The following HECTD4 variants were observed in gnomAD, a reference collection of about 807,000 sequenced individuals.
HECTD4 encodes HECT domain E3 ubiquitin protein ligase 4, also known as probable E3 ubiquitin-protein ligase HECTD4.
Under a neutral mutation model 471.5 loss-of-function variants are expected in HECTD4, and 114 were observed. The observed-to-expected ratio is 0.24, with a 90% CI of 0.21 to 0.28. The LOEUF is 0.28. Among genes scored for constraint, HECTD4 ranks in the 10% least tolerant of loss-of-function variants. The pLI, the probability that HECTD4 is intolerant of heterozygous loss-of-function variation, is 1.00. For missense variants in HECTD4, 3,866 were observed against 5,651.5 expected (o/e 0.68, Z 10.13); for synonymous variants, 2,012 against 2,256.0 (o/e 0.89, Z 3.07).
At chr12:112,244,073 C>T (rs1470760810) in intron 29 of HECTD4, 64 bp from the exon 30 acceptor site, 8 of 1,520,166 alleles carry the variant, frequency 5.3e-6, no homozygotes, top group Non-Finnish European at 2.7e-6. Context: ...AAATGCAACA[C>T]AGAACTACCC....
intron 9 of HECTD4, among the ~76,000 whole-genome samples, chr12:112,277,103 A>C (rs988245594): frequency 1.3e-5 from 2 of 152,222 alleles, no homozygotes; most frequent in African/African-American, 4.8e-5. Context: ...AAGAGTATGA[A>C]AAACATCCAC....
chr12:112,359,493 C>T (rs2036411246), intron 1 of HECTD4, among the ~76,000 whole-genome samples: 1 of 152,166 alleles, frequency 6.6e-6, no homozygotes, highest in African/African-American at 2.4e-5. Flanking sequence ...GATCTCAGCT[C>T]ATTGCAACCT....
At chr12:112,275,103 G>A in intron 9 of HECTD4, 143 bp from the exon 10 acceptor site, 1 of 546,376 alleles carries the variant, frequency 1.8e-6, no homozygotes, top group Non-Finnish European at 3.2e-6. Flanking sequence ...TAAAGAGATG[G>A]AGAATACATG....
At chr12:112,295,479 C>A (rs2135665319) in intron 7 of HECTD4, among the ~76,000 whole-genome samples, 1 of 151,044 alleles carries the variant, frequency 6.6e-6, no homozygotes, top group Admixed American at 6.6e-5. Context: ...GATCCTTCTA[C>A]CTCAGCAACT....
At chr12:112,309,703 A>C (rs936726383) in intron 4 of HECTD4, 34 bp from the exon 5 acceptor site, 2 of 993,312 alleles carry the variant, frequency 2.0e-6, no homozygotes, top group African/African-American at 1.6e-5. Flanking sequence ...AATTATATAT[A>C]TGTTTTTTCT....
chr12:112,300,694 C>T (rs2035144732), intron 7 of HECTD4, among the ~76,000 whole-genome samples: 1 of 152,248 alleles, frequency 6.6e-6, no homozygotes, highest in South Asian at 2.1e-4. Context: ...ACCTCCAGGG[C>T]TCAAGCAATC....
At chr12:112,332,354 T>A (rs745514868) in intron 1 of HECTD4, among the ~76,000 whole-genome samples, 2 of 151,798 alleles carry the variant, frequency 1.3e-5, no homozygotes, top group Non-Finnish European at 2.9e-5. Context: ...CCAACCAACA[T>A]GGTGAAACCC....
chr12:112,367,849 C>T (rs1017200882), intron 1 of HECTD4, among the ~76,000 whole-genome samples: 9 of 87,808 alleles, frequency 1.0e-4, no homozygotes, highest in African/African-American at 4.1e-4. Flanking sequence ...AAAAAAAAAA[C>T]GCTAACACGT....
At position 112,302,179 on chromosome 12, in the gene HECTD4, G is replaced by A. The variant is rs2035179133; in HGVS notation, c.1335+3885C>T. 1.0e-5 allele frequency: 12 copies of A among 1,144,090 alleles called. 1 individual carries two copies. Among genetic ancestry groups the A allele is most frequent in the South Asian group, 7.8e-5 (6 of 77,360 alleles). 70.9% of individuals were successfully genotyped at this position (1,144,090 alleles called of 1,614,324 possible). ...GGGCAGGCAAGAAGACAACCAGCTC[G>A]ATGGAATCCACATCGTGTGCAATCA... On this transcript the variant is annotated intron_variant, in intron 7 of 75. Coordinates refer to ENST00000682272, the MANE Select transcript of HECTD4 (RefSeq NM_001388303.1).
intron 1 of HECTD4, among the ~76,000 whole-genome samples, chr12:112,329,370 GT>G (rs72342162): frequency 0.41 from 53,742 of 130,920 alleles, 11,888 homozygotes; most frequent in East Asian, 0.88. Flanking sequence ...TGGGTTTTTT[GT>G]TTTTTTTTTT....
rs985630311 is a variant in HECTD4 at position 112,235,641 on chromosome 12, T to A, written c.5588A>T (p.Glu1863Val). The A allele has an allele frequency of 1.2e-6, 2 of 1,614,018 alleles. No homozygotes were observed. The highest frequency in any genetic ancestry group is 3.3e-5 in the Admixed American group (2 of 60,024). ...CRAALPLMSVEDCGNVELPPW... is the reference protein window; with the variant it reads ...CRAALPLMSVVDCGNVELPPW... ...TGGGAGCTCCACGTTTCCACAGTCT[T>A]CTACGCTCATCAGGGGCAGCGCCGC... Residue 1863 changes from glutamate to valine, a missense_variant, in exon 36 of 76, where the codon GAA becomes GTA. Coordinates refer to ENST00000682272, the MANE Select transcript of HECTD4 (RefSeq NM_001388303.1). This position sits in a 1 kb window ranked among gnomAD's most constrained non-coding sequence, Gnocchi z 5.0.
chr12:112,366,213 A>G (rs2036554899), intron 1 of HECTD4, among the ~76,000 whole-genome samples: 1 of 152,206 alleles, frequency 6.6e-6, no homozygotes, highest in Non-Finnish European at 1.5e-5. Context: ...GAACAAAAAA[A>G]AATTGTTCCA....
At chr12:112,315,010 AT>A in intron 2 of HECTD4, among the ~76,000 whole-genome samples, 1 of 152,232 alleles carries the variant, frequency 6.6e-6, no homozygotes, top group Non-Finnish European at 1.5e-5. Flanking sequence ...AAAAGAATAT[AT>A]TCAAATAAAT....
intron 3 of HECTD4, among the ~76,000 whole-genome samples, chr12:112,313,687 G>C (rs1437045463): frequency 6.6e-6 from 1 of 151,762 alleles, no homozygotes; most frequent in Non-Finnish European, 1.5e-5. Context: ...ATGGGGTTTT[G>C]CCATGTTGGC....
At position 112,163,607 on chromosome 12, in the gene HECTD4, G is replaced by A; in HGVS notation, c.12832C>T (p.Leu4278Phe). The A allele has an allele frequency of 6.5e-7, 1 of 1,537,228 alleles. No individual in the cohort carries two copies. Among genetic ancestry groups the A allele is most frequent in the Admixed American group, 2.0e-5 (1 of 48,920 alleles). ...SIIPLQLLTM[L>F]SPLEMELRTC... ...CGCAGCTCCATCTCCAGTGGGCTGA[G>A]CATGGTCAGCAGCTGCAGGGGGATG... Residue 4278 changes from leucine to phenylalanine, a missense_variant, in exon 74 of 76, where the codon CTC becomes TTC. Coordinates refer to ENST00000682272, the MANE Select transcript of HECTD4 (RefSeq NM_001388303.1). This position sits in a 1 kb window ranked among gnomAD's most constrained non-coding sequence, Gnocchi z 8.2.
At chr12:112,182,966 G>A in intron 62 of HECTD4, 93 bp downstream of exon 62, 2 of 848,686 alleles carry the variant, frequency 2.4e-6, no homozygotes, top group Non-Finnish European at 1.9e-6. Context: ...GGGGATACTG[G>A]GGAGGGGAGG....
chr12:112,270,451 T>C lies in HECTD4; in HGVS notation c.1951A>G (p.Ile651Val), dbSNP rs751086960. Reference sequence around the variant, plus strand: ...TGGTTTATAACCTCATTCGTGGTTATAGCCTCTTCTAGAAGATGAAAAGGA... The same window carrying C: ...TGGTTTATAACCTCATTCGTGGTTACAGCCTCTTCTAGAAGATGAAAAGGA... ...HIITEPKEEA[I>V]TTNEVINQLL... The change falls in exon 12 of 76, where the codon ATA (isoleucine) becomes GTA (valine). Residue 651 changes from isoleucine (I) to valine (V), a missense_variant. Around this residue, in one of 16 missense-constraint regions of HECTD4, gnomAD observed 525 missense variants for 672.6 expected, o/e 0.78. Coordinates refer to ENST00000682272, the MANE Select transcript of HECTD4 (RefSeq NM_001388303.1). 1.9e-6 allele frequency: 3 copies of C among 1,613,666 alleles called. No homozygotes were observed. The highest frequency in any genetic ancestry group is 2.5e-6 in the Non-Finnish European group (3 of 1,179,534).
chr12:112,323,085 G>T, intron 1 of HECTD4: 1 of 213,420 alleles, frequency 4.7e-6, no homozygotes, highest in South Asian at 7.9e-5. Context: ...AGCTGCTCAA[G>T]AGCAAGTGTT....
At chr12:112,308,975 T>C (rs2035323595) in intron 5 of HECTD4, 84 bp from the exon 6 acceptor site, 4 of 1,363,906 alleles carry the variant, frequency 2.9e-6, no homozygotes, top group Non-Finnish European at 3.9e-6. Flanking sequence ...AAACAACATT[T>C]TCGACCTAAT....
Sources: allele counts gnomAD v4.1 joint callset (sites outside exome capture counted in the v4.1 genomes callset), GRCh38; gene constraint gnomAD v4.1.1; regional missense constraint gnomAD v4.1.1; non-coding constraint Gnocchi (gnomAD v3.1); transcripts MANE v1.5; gene names NCBI Gene and HGNC (gene_info 2026-07-23, HGNC 2026-07-21).